The following SINHCAF variants were observed in gnomAD, a reference collection of about 807,000 sequenced individuals.
SINHCAF encodes the protein SIN3-HDAC complex associated factor, also known as SIN3-HDAC complex-associated factor.
In SINHCAF, 3 loss-of-function variants were observed where a neutral mutation model predicts 25.8. The ratio of observed to expected loss-of-function variants is 0.12; its 90% CI spans 0.05 to 0.30. The LOEUF (loss-of-function observed/expected upper bound fraction) is 0.30. Among genes scored for constraint, SINHCAF ranks in the 10% least tolerant of loss-of-function variants. The probability of loss-of-function intolerance (pLI) is 1.00; values close to 1 mark genes in which losing one functional copy is unlikely to be tolerated. For missense variants in SINHCAF, 121 were observed against 262.3 expected (o/e 0.46, Z 3.72); for synonymous variants, 70 against 85.5 (o/e 0.82, Z 1.00).
chr12:31,311,325 A>C (rs1379774564), intron 1 of SINHCAF, among the ~76,000 whole-genome samples: 1 of 152,212 alleles, frequency 6.6e-6, no homozygotes, highest in Non-Finnish European at 1.5e-5. Flanking sequence ...GCTATTCCTT[A>C]GCTTAAGCAG....
At chr12:31,293,309 A>G (rs1034816473) in intron 4 of SINHCAF, among the ~76,000 whole-genome samples, 3 of 152,200 alleles carry the variant, frequency 2.0e-5, no homozygotes, top group African/African-American at 7.2e-5. Flanking sequence ...TTAATTAGAC[A>G]TTCCTTTCTC....
chr12:31,289,937 G>A (rs115328118), intron 4 of SINHCAF, among the ~76,000 whole-genome samples: 3 of 150,758 alleles, frequency 2.0e-5, no homozygotes, highest in African/African-American at 7.3e-5. Flanking sequence ...CAATCCTCCC[G>A]TCTCAGTCTC....
Position 31,285,106 on chromosome 12 carries a change from G to A in SINHCAF, c.507-2235C>T, listed in dbSNP as rs894406709. Among the ~76,000 whole-genome samples, 7 of 152,066 alleles carry A rather than the reference G, an allele frequency of 4.6e-5. No individual in the cohort carries two copies. The South Asian group carries it at 6.2e-4, about 14-fold the overall frequency. Reference sequence around the variant, plus strand: ...TAGGTGTCTTTAAATGTTATTCAACGGCCGGGCGCAGTGGTTCATGCCTGT... The same window carrying A: ...TAGGTGTCTTTAAATGTTATTCAACAGCCGGGCGCAGTGGTTCATGCCTGT... On this transcript the variant is annotated intron_variant, in intron 5 of 5. Coordinates refer to ENST00000337682, the MANE Select transcript of SINHCAF (RefSeq NM_001135812.2).
At chr12:31,300,616 A>G (rs1416702594) in intron 1 of SINHCAF, among the ~76,000 whole-genome samples, 1 of 152,206 alleles carries the variant, frequency 6.6e-6, no homozygotes, top group Admixed American at 6.5e-5. Context: ...ATGATAACTG[A>G]AAAGAAAATC....
At chr12:31,312,094 A>G (rs1939292507) in intron 1 of SINHCAF, 1 of 481,596 alleles carries the variant, frequency 2.1e-6, no homozygotes, top group South Asian at 1.6e-5. Flanking sequence ...CCTGGTCCCA[A>G]TGGTAACAAC....
chr12:31,306,211 T>C (rs577770964), intron 1 of SINHCAF, among the ~76,000 whole-genome samples: 132 of 152,334 alleles, frequency 8.7e-4, no homozygotes, highest in Middle Eastern at 6.8e-3. Context: ...TGGTGGCAGC[T>C]AGATAAAATC....
chr12:31,307,492 C>T (rs1293834289), intron 1 of SINHCAF, among the ~76,000 whole-genome samples: 5 of 152,062 alleles, frequency 3.3e-5, no homozygotes, highest in African/African-American at 1.2e-4. Context: ...GAGGTCAAGG[C>T]AGCAGTGAGC....
intron 1 of SINHCAF, among the ~76,000 whole-genome samples, chr12:31,320,380 C>T (rs910363993): frequency 6.6e-5 from 10 of 152,232 alleles, no homozygotes; most frequent in African/African-American, 2.2e-4. Context: ...TTAAGAATTA[C>T]TTATTTTACA....
chr12:31,287,512 A>C (rs944262664), intron 5 of SINHCAF, 122 bp downstream of exon 5: 6 of 617,634 alleles, frequency 9.7e-6, no homozygotes, highest in Non-Finnish European at 1.6e-5. Context: ...TTCCTGCTTA[A>C]TCCACTGCAA....
At position 31,286,063 on chromosome 12, in the gene SINHCAF, A is replaced by G. The variant is rs533494701; in HGVS notation, c.506+1571T>C. Among the ~76,000 whole-genome samples, 26 of 152,228 alleles carry G rather than the reference A, an allele frequency of 1.7e-4. 1 individual carries two copies. The South Asian group carries it at 5.4e-3, about 32-fold the overall frequency. Reference sequence around the variant, plus strand: ...TACACTATGCACTAGGCACTGTTCTAAAGTGTTTACTACTACACTACTACC... The same window carrying G: ...TACACTATGCACTAGGCACTGTTCTGAAGTGTTTACTACTACACTACTACC... On this transcript the variant is annotated intron_variant, in intron 5 of 5. Transcript: ENST00000337682.
intron 1 of SINHCAF, among the ~76,000 whole-genome samples, chr12:31,314,599 G>T (rs1939426767): frequency 6.6e-6 from 1 of 151,426 alleles, no homozygotes. Flanking sequence ...TACTTCTGAA[G>T]ATTTTTTTTT....
At chr12:31,287,912 A>C (rs541853698) in intron 4 of SINHCAF, 128 bp from the exon 5 acceptor site, 1 of 577,428 alleles carries the variant, frequency 1.7e-6, no homozygotes, top group Non-Finnish European at 2.9e-6. Context: ...TTCATTTTCT[A>C]TGCACTACTG....
chr12:31,301,412 G>A (rs1479633263), intron 1 of SINHCAF, among the ~76,000 whole-genome samples: 1 of 152,190 alleles, frequency 6.6e-6, no homozygotes, highest in Non-Finnish European at 1.5e-5. Flanking sequence ...CTGAACATCT[G>A]AGAGGGATCT....
intron 1 of SINHCAF, among the ~76,000 whole-genome samples, chr12:31,316,438 A>T (rs1939498989): frequency 1.3e-5 from 2 of 152,176 alleles, no homozygotes; most frequent in African/African-American, 4.8e-5. Context: ...GATCTTAATG[A>T]ATCTAACTTA....
chr12:31,310,695 G>A (rs1939230785), intron 1 of SINHCAF, among the ~76,000 whole-genome samples: 1 of 152,124 alleles, frequency 6.6e-6, no homozygotes, highest in African/African-American at 2.4e-5. Flanking sequence ...AGAGTGGGTA[G>A]TGCATCACCC....
chr12:31,282,516 G>A lies in SINHCAF; in HGVS notation c.*196C>T, dbSNP rs1937844214. On this transcript the variant is annotated 3_prime_UTR_variant, in exon 6 of 6. Transcript: ENST00000337682. ...GGGCACCTATAAACCCAGCTACTTG[G>A]GAGGCTGAGGCAGGAGAATCACTTG... is the stretch of plus-strand genomic sequence containing the variant. 2.3e-6 allele frequency: 1 copy of A among 439,772 alleles called. No individual in the cohort carries two copies. The allele number at this position is 439,772 out of a possible 1,614,324, so 27.2% of individuals were successfully genotyped here. A position where few individuals can be genotyped will look rare whatever the true frequency, so the allele number is the denominator to read the frequency against.
chr12:31,285,241 A>G (rs748249489), intron 5 of SINHCAF, among the ~76,000 whole-genome samples: 6 of 151,984 alleles, frequency 3.9e-5, no homozygotes, highest in Admixed American at 2.0e-4. Context: ...TACAAAAATT[A>G]GCAGGGTGTG....
chr12:31,322,063 C>T (rs1232019795), intron 1 of SINHCAF, among the ~76,000 whole-genome samples: 1 of 152,062 alleles, frequency 6.6e-6, no homozygotes, highest in African/African-American at 2.4e-5. Context: ...GACAGACAGA[C>T]TTGGGGCCTG....
Position 31,325,836 on chromosome 12 carries a change from C to G in SINHCAF, c.-21+188G>C, listed in dbSNP as rs2137153710. ...AAATACACACTAAACACGAGCGTACCAAAGAACCTGGGGTCTGAAGATCAC... is the reference window on the plus strand; with the variant it reads ...AAATACACACTAAACACGAGCGTACGAAAGAACCTGGGGTCTGAAGATCAC... On this transcript the variant is annotated intron_variant, in intron 1 of 5. Transcript: ENST00000337682. The surrounding 1 kb of genome is among the most constrained non-coding windows in gnomAD (Gnocchi z 5.9). 6.6e-6 allele frequency: 1 copy of G among 152,490 alleles called. No individual in the cohort carries two copies. Among genetic ancestry groups the G allele is most frequent in the East Asian group, 1.9e-4 (1 of 5,190 alleles). 9.4% of individuals were successfully genotyped at this position (152,490 alleles called of 1,614,324 possible). A position where few individuals can be genotyped will look rare whatever the true frequency, so the allele number is the denominator to read the frequency against.
Sources: allele counts gnomAD v4.1 joint callset (sites outside exome capture counted in the v4.1 genomes callset), GRCh38; gene constraint gnomAD v4.1.1; non-coding constraint Gnocchi (gnomAD v3.1); transcripts MANE v1.5; gene names NCBI Gene and HGNC (gene_info 2026-07-23, HGNC 2026-07-21).